Variants in ANKRD55 observed in about 807,000 individuals in gnomAD.
The protein encoded by ANKRD55 is ankyrin repeat domain 55, also known as ankyrin repeat domain-containing protein 55.
Under a neutral mutation model 60.6 loss-of-function variants are expected in ANKRD55, and 41 were observed. The ratio of observed to expected loss-of-function variants is 0.68; its 90% CI spans 0.53 to 0.88. The LOEUF is 0.88. Ranked by LOEUF, ANKRD55 falls within the 40% of genes least tolerant of loss-of-function variation. The pLI is 0.00. For missense variants in ANKRD55, 732 were observed against 767.6 expected (o/e 0.95, Z 0.55); for synonymous variants, 264 against 290.3 (o/e 0.91, Z 0.92).
intron 3 of ANKRD55, among the ~76,000 whole-genome samples, chr5:56,178,333 G>T (rs1758782089): frequency 6.6e-6 from 1 of 151,836 alleles, no homozygotes; most frequent in Non-Finnish European, 1.5e-5. Context: ...GGGATTACCG[G>T]CGTGAGCCAC....
chr5:56,184,124 G>A (rs949604202), intron 2 of ANKRD55, among the ~76,000 whole-genome samples: 3 of 152,172 alleles, frequency 2.0e-5, no homozygotes, highest in African/African-American at 7.2e-5. Context: ...GACCCTTGCC[G>A]AGTGCTCCAC....
At chr5:56,184,126 G>A (rs982744236) in intron 2 of ANKRD55, among the ~76,000 whole-genome samples, 2 of 152,182 alleles carry the variant, frequency 1.3e-5, no homozygotes, top group African/African-American at 2.4e-5. Flanking sequence ...CCCTTGCCGA[G>A]TGCTCCACCC....
At chr5:56,136,179 A>G (rs1440519619) in intron 7 of ANKRD55, among the ~76,000 whole-genome samples, 1 of 152,254 alleles carries the variant, frequency 6.6e-6, no homozygotes, top group Non-Finnish European at 1.5e-5. Flanking sequence ...TTAAGATATC[A>G]GTTCTTCAAA....
chr5:56,142,100 G>C (rs996137891), intron 7 of ANKRD55, among the ~76,000 whole-genome samples: 4 of 152,092 alleles, frequency 2.6e-5, no homozygotes, highest in African/African-American at 4.8e-5. Flanking sequence ...GAGGCCGAGC[G>C]GGGCAGATCA....
intron 6 of ANKRD55, chr5:56,146,947 A>G (rs778697529): frequency 3.3e-5 from 5 of 152,232 alleles, no homozygotes; most frequent in South Asian, 2.1e-4. Context: ...TGAATTAAAC[A>G]ATGGTAATGC....
chr5:56,180,756 T>C (rs1758834210), intron 3 of ANKRD55, among the ~76,000 whole-genome samples: 1 of 152,252 alleles, frequency 6.6e-6, no homozygotes, highest in African/African-American at 2.4e-5. Flanking sequence ...ATGTTCATTG[T>C]TTGTATACAA....
chr5:56,124,956 T>G (rs938370153), intron 8 of ANKRD55, among the ~76,000 whole-genome samples: 3 of 152,242 alleles, frequency 2.0e-5, no homozygotes, highest in African/African-American at 7.2e-5. Context: ...AAAGGACTCT[T>G]CTGGATATTT....
intron 2 of ANKRD55, among the ~76,000 whole-genome samples, chr5:56,194,869 C>A (rs1759194325): frequency 6.6e-6 from 1 of 152,170 alleles, no homozygotes; most frequent in African/African-American, 2.4e-5. Context: ...TAAACTCTTT[C>A]TAACTACATA....
At chr5:56,138,886 G>C (rs907127071) in intron 7 of ANKRD55, among the ~76,000 whole-genome samples, 3 of 152,104 alleles carry the variant, frequency 2.0e-5, no homozygotes, top group African/African-American at 7.2e-5. Flanking sequence ...AAGGTATTCC[G>C]CATGATACTT....
chr5:56,121,196 A>T (rs929715555), intron 8 of ANKRD55, among the ~76,000 whole-genome samples: 6 of 152,156 alleles, frequency 3.9e-5, no homozygotes, highest in Non-Finnish European at 7.4e-5. Flanking sequence ...GAACCAAGGC[A>T]CACACAATAA....
chr5:56,121,517 C>CAT lies in ANKRD55; in HGVS notation c.798-4736_798-4735insAT, dbSNP rs879587532. On this transcript the variant is annotated intron_variant, in intron 8 of 11. Transcript: ENST00000341048. ...CCTCCCGAGTAGCTGGGACTACAGG[C>CAT]GCCCGCCACCACACCCAGCTAATTT... is the stretch of plus-strand genomic sequence containing the variant. Among the ~76,000 whole-genome samples, 696 of 151,864 alleles carry CAT rather than the reference C, an allele frequency of 4.6e-3. 4 individuals are homozygous for CAT. The highest frequency in any genetic ancestry group is 8.1e-3 in the Admixed American group (124 of 15,236).
intron 3 of ANKRD55, 139 bp downstream of exon 3, chr5:56,183,373 G>T: frequency 2.7e-6 from 3 of 1,103,918 alleles, no homozygotes; most frequent in Non-Finnish European, 2.5e-6. Flanking sequence ...CATTATAAGA[G>T]GCGATGTGGT....
chr5:56,190,979 T>C (rs1759080943), intron 2 of ANKRD55, among the ~76,000 whole-genome samples: 2 of 152,364 alleles, frequency 1.3e-5, no homozygotes, highest in South Asian at 2.1e-4. Context: ...TCTTTCCCTA[T>C]TGAATGGTCT....
chr5:56,192,479 G>T (rs1759122025), intron 2 of ANKRD55: 1 of 233,130 alleles, frequency 4.3e-6, no homozygotes, highest in African/African-American at 2.3e-5. Context: ...GTCCCATGTC[G>T]TCGCCCTCTC....
At chr5:56,227,449 A>T (rs159998) in intron 2 of ANKRD55, among the ~76,000 whole-genome samples, 6 of 151,848 alleles carry the variant, frequency 4.0e-5, no homozygotes, top group African/African-American at 1.5e-4. Context: ...TAACAAACCT[A>T]CACACTGTGC....
At chr5:56,129,115 C>T (rs998810276) in intron 7 of ANKRD55, among the ~76,000 whole-genome samples, 1 of 152,164 alleles carries the variant, frequency 6.6e-6, no homozygotes, top group Admixed American at 6.5e-5. Flanking sequence ...TCACTTGCCT[C>T]CTGGTGACAG....
At chr5:56,153,844 A>AAAC (rs968811727) in intron 6 of ANKRD55, among the ~76,000 whole-genome samples, 17 of 151,868 alleles carry the variant, frequency 1.1e-4, no homozygotes, top group Admixed American at 3.3e-4. Context: ...GAAAAAAACA[A>AAAC]AACAACAACA....
intron 5 of ANKRD55, among the ~76,000 whole-genome samples, chr5:56,163,479 C>G (rs575631001): frequency 6.6e-6 from 1 of 152,306 alleles, no homozygotes; most frequent in African/African-American, 2.4e-5. Context: ...TTCAGACTCC[C>G]TCCTGTCCTC....
chr5:56,174,830 C>CAAAAA (rs59849503), intron 4 of ANKRD55, among the ~76,000 whole-genome samples: 1 of 65,944 alleles, frequency 1.5e-5, no homozygotes, highest in Non-Finnish European at 3.5e-5. Flanking sequence ...GACTCTGTCT[C>CAAAAA]AAAAAAAAAA....
Sources: gnomAD v4.1 joint callset for allele counts (sites outside exome capture counted in the v4.1 genomes callset) on GRCh38, gnomAD v4.1.1 for gene constraint, MANE v1.5 for transcripts, NCBI Gene and HGNC (gene_info 2026-07-23, HGNC 2026-07-21) for gene names.